Variants in XRCC2 observed in about 807,000 individuals in gnomAD.
XRCC2 encodes X-ray repair cross complementing 2.
A neutral mutation model predicts 27.3 loss-of-function variants in XRCC2; 24 were observed. That is an observed-to-expected ratio of 0.88 (90% CI 0.64 to 1.24). The LOEUF (loss-of-function observed/expected upper bound fraction) is 1.24, where lower values mean the gene tolerates loss of function less well. Ranked by LOEUF, XRCC2 falls within the 50% of genes most tolerant of loss-of-function variation. The pLI is 0.00. For synonymous variants in XRCC2, 106 were observed against 115.4 expected, an observed-to-expected ratio of 0.92 and a Z score of 0.52; for missense variants, 321 against 325.8, an observed-to-expected ratio of 0.99 and a Z score of 0.11.
intron 1 of XRCC2, among the ~76,000 whole-genome samples, chr7:152,670,029 C>G (rs1429244099): frequency 6.6e-6 from 1 of 151,650 alleles, no homozygotes; most frequent in Non-Finnish European, 1.5e-5. Context: ...TTGGCCAATT[C>G]TAATCTGCGT....
chr7:152,663,843 C>CG, intron 1 of XRCC2: 1 of 12,054 alleles, frequency 8.3e-5, no homozygotes, highest in East Asian at 2.4e-3. Flanking sequence ...TGTCCCCCTG[C>CG]CCCCCCCCCC....
intron 1 of XRCC2, among the ~76,000 whole-genome samples, chr7:152,666,354 GGTGTGTGC>G (rs2098035645): frequency 2.6e-5 from 4 of 152,136 alleles, no homozygotes; most frequent in Admixed American, 2.6e-4. Flanking sequence ...TGGGACCACA[GGTGTGTGC>G]CACCAAACCC....
chr7:152,650,106 G>A (rs2098027894), intron 2 of XRCC2, among the ~76,000 whole-genome samples: 1 of 152,242 alleles, frequency 6.6e-6, no homozygotes, highest in Admixed American at 6.5e-5. Context: ...ACACGCAGGT[G>A]AAGGCACTCC....
intron 1 of XRCC2, among the ~76,000 whole-genome samples, chr7:152,667,580 CACT>C (rs1389386829): frequency 1.3e-5 from 2 of 151,390 alleles, no homozygotes; most frequent in African/African-American, 2.4e-5. Flanking sequence ...AACTGTCCAC[CACT>C]GAGAATATCC....
intron 2 of XRCC2, among the ~76,000 whole-genome samples, chr7:152,657,538 ACCT>A (rs1458275888): frequency 3.9e-5 from 6 of 152,158 alleles, no homozygotes; most frequent in African/African-American, 1.2e-4. Flanking sequence ...TGATCCACAG[ACCT>A]CAGCCTCCCA....
intron 2 of XRCC2, among the ~76,000 whole-genome samples, chr7:152,657,425 G>C (rs943302797): frequency 6.6e-6 from 1 of 151,520 alleles, no homozygotes; most frequent in Non-Finnish European, 1.5e-5. Context: ...TCAGCCCCCC[G>C]AGTAGCTGGG....
chr7:152,672,574 C>CCT (rs1247185359), intron 1 of XRCC2, among the ~76,000 whole-genome samples: 1 of 152,170 alleles, frequency 6.6e-6, no homozygotes, highest in Admixed American at 6.5e-5. Context: ...AATGCTTGCT[C>CCT]CTGGCAGAAC....
At chr7:152,674,005 C>A (rs1234084913) in intron 1 of XRCC2, among the ~76,000 whole-genome samples, 1 of 152,162 alleles carries the variant, frequency 6.6e-6, no homozygotes, top group African/African-American at 2.4e-5. Flanking sequence ...AGCTAGAGTT[C>A]AAACAAATTT....
rs150474676 is a variant in XRCC2, at chr7:152,648,703, T to G, written c.782A>C (p.Lys261Thr). 5.6e-6 allele frequency: 9 copies of G among 1,609,296 alleles called. No homozygotes were observed. The South Asian group carries it at 1.0e-4, about 18-fold the overall frequency. Reference protein sequence around the residue: ...NQFSLVSRCLKSNSLKKHFFI... With the variant: ...NQFSLVSRCLTSNSLKKHFFI... ...AAAATGTTTTTTTAAACTGTTACTT[T>G]TTAAACAACGTGAAACTAATGAAAA... is the stretch of plus-strand genomic sequence containing the variant. Residue 261 changes from lysine (K) to threonine (T), a missense_variant, in exon 3 of 3, where the codon AAA becomes ACA. Physicochemically the swap from Lys to Thr is moderately conservative, Grantham distance 78. Coordinates refer to ENST00000359321, the MANE Select transcript of XRCC2 (RefSeq NM_005431.2).
At position 152,646,870 on chromosome 7, in the gene XRCC2, C is replaced by T. The variant is rs3218550; in HGVS notation, c.*1772G>A. The T allele has an allele frequency of 0.059, 9,004 of 152,236 alleles. 568 individuals carry two copies. The highest frequency in any genetic ancestry group is 0.19 in the Admixed American group (2,959 of 15,270). 9.4% of individuals were successfully genotyped at this position (152,236 alleles called of 1,614,324 possible). On this transcript the variant is annotated 3_prime_UTR_variant, in exon 3 of 3. Coordinates refer to ENST00000359321, the MANE Select transcript of XRCC2 (RefSeq NM_005431.2). Reference sequence around the variant, plus strand: ...CTGTCACTGATGGGCAGTGCTGCAACGAACATACGCGTGCATGTGTCTTTA... The same window carrying T: ...CTGTCACTGATGGGCAGTGCTGCAATGAACATACGCGTGCATGTGTCTTTA...
intron 1 of XRCC2, among the ~76,000 whole-genome samples, chr7:152,672,801 T>G (rs529410943): frequency 6.6e-6 from 1 of 152,326 alleles, no homozygotes; most frequent in African/African-American, 2.4e-5. Flanking sequence ...AGTTAGTTTT[T>G]TAAAGAAAAA....
At chr7:152,657,295 CTGATT>C (rs1415167010) in intron 2 of XRCC2, among the ~76,000 whole-genome samples, 1 of 150,462 alleles carries the variant, frequency 6.6e-6, no homozygotes, top group Admixed American at 6.6e-5. Flanking sequence ...TTTCATCTAT[CTGATT>C]TAAGAAGGAA....
chr7:152,656,908 G>A (rs1361030336), intron 2 of XRCC2, among the ~76,000 whole-genome samples: 3 of 152,092 alleles, frequency 2.0e-5, no homozygotes, highest in African/African-American at 4.8e-5. Flanking sequence ...AGAAAATAAA[G>A]AGCACAGGGA....
chr7:152,667,423 A>G (rs2098036352), intron 1 of XRCC2, among the ~76,000 whole-genome samples: 1 of 81,772 alleles, frequency 1.2e-5, no homozygotes, highest in South Asian at 4.1e-4. Flanking sequence ...AAAAAAAAAA[A>G]AAAGAAAAAA....
chr7:152,664,896 C>G (rs1252569932), intron 1 of XRCC2, among the ~76,000 whole-genome samples: 1 of 152,108 alleles, frequency 6.6e-6, no homozygotes, highest in African/African-American at 2.4e-5. Flanking sequence ...AGGAATTGAG[C>G]AAACATGTCC....
intron 1 of XRCC2, among the ~76,000 whole-genome samples, chr7:152,661,644 T>C (rs2098033127): frequency 6.6e-6 from 1 of 152,072 alleles, no homozygotes; most frequent in Non-Finnish European, 1.5e-5. Flanking sequence ...AGCTTTGAAC[T>C]CCTAGATACT....
intron 2 of XRCC2, among the ~76,000 whole-genome samples, chr7:152,654,244 T>A: frequency 6.8e-6 from 1 of 147,980 alleles, no homozygotes; most frequent in South Asian, 2.2e-4. Flanking sequence ...AATAAGGGGC[T>A]GGTTATAGCA....
At chr7:152,669,116 C>A (rs1169942492) in intron 1 of XRCC2, among the ~76,000 whole-genome samples, 1 of 152,106 alleles carries the variant, frequency 6.6e-6, no homozygotes. Flanking sequence ...CAGTGGTTCA[C>A]ACCTGTCATC....
At chr7:152,661,206 T>C (rs778004166) in intron 1 of XRCC2, among the ~76,000 whole-genome samples, 2 of 152,146 alleles carry the variant, frequency 1.3e-5, no homozygotes, top group Non-Finnish European at 2.9e-5. Flanking sequence ...TTAGGAGAAA[T>C]GTTGTGTTTA....
Sources: gnomAD v4.1 joint callset for allele counts (sites outside exome capture counted in the v4.1 genomes callset) on GRCh38, gnomAD v4.1.1 for gene constraint, MANE v1.5 for transcripts, NCBI Gene and HGNC (gene_info 2026-07-23, HGNC 2026-07-21) for gene names.